The following COG5 variants were observed in gnomAD, a reference collection of about 807,000 sequenced individuals.
The protein encoded by COG5 is conserved oligomeric Golgi complex subunit 5.
In COG5, 86 loss-of-function variants were observed where a neutral mutation model predicts 110.4. That is an observed-to-expected ratio of 0.78 (90% CI 0.65 to 0.93). COG5 has a LOEUF of 0.93. Among genes scored for constraint, COG5 ranks in the 40% least tolerant of loss-of-function variants. The probability of loss-of-function intolerance (pLI) is 0.00; values close to 1 mark genes in which losing one functional copy is unlikely to be tolerated. For synonymous variants in COG5, 360 were observed against 334.6 expected (o/e 1.08, Z -0.83); for missense variants, 1,077 against 987.0 (o/e 1.09, Z -1.22).
intron 10 of COG5, among the ~76,000 whole-genome samples, chr7:107,331,140 G>C (rs746174044): frequency 2.0e-5 from 3 of 152,186 alleles, no homozygotes; most frequent in Non-Finnish European, 4.4e-5. Flanking sequence ...AACCGCTTGA[G>C]AGTTTTAATA....
intron 5 of COG5, among the ~76,000 whole-genome samples, chr7:107,543,008 T>C (rs1802151373): frequency 6.7e-6 from 1 of 149,954 alleles, no homozygotes; most frequent in South Asian, 2.1e-4. Context: ...TATAGATGAA[T>C]TCAAAAAAGG....
At chr7:107,526,829 A>C (rs1800791157) in intron 6 of COG5, among the ~76,000 whole-genome samples, 1 of 152,182 alleles carries the variant, frequency 6.6e-6, no homozygotes, top group Non-Finnish European at 1.5e-5. Context: ...GTCATTCTCA[A>C]AAAGACAAAA....
At chr7:107,229,854 T>G (rs1445290736) in intron 19 of COG5, among the ~76,000 whole-genome samples, 4 of 150,814 alleles carry the variant, frequency 2.7e-5, no homozygotes, top group Non-Finnish European at 4.4e-5. Flanking sequence ...TGTTTTTTTT[T>G]TTTGTTTTTT....
intron 14 of COG5, among the ~76,000 whole-genome samples, chr7:107,273,524 T>C (rs1353268149): frequency 6.6e-6 from 1 of 152,198 alleles, no homozygotes; most frequent in Non-Finnish European, 1.5e-5. Flanking sequence ...TCAACAGATA[T>C]AAAAGCTCTA....
intron 17 of COG5, among the ~76,000 whole-genome samples, chr7:107,243,469 G>A (rs938672817): frequency 1.5e-5 from 2 of 136,238 alleles, no homozygotes; most frequent in Admixed American, 8.3e-5. Context: ...CCGAGATCAC[G>A]CCACTGCACT....
At chr7:107,533,482 T>C (rs937028219) in intron 5 of COG5, among the ~76,000 whole-genome samples, 12 of 151,476 alleles carry the variant, frequency 7.9e-5, no homozygotes, top group South Asian at 2.1e-4. Context: ...AATGACCTGA[T>C]TGAGCTGAAA....
intron 5 of COG5, among the ~76,000 whole-genome samples, chr7:107,538,162 C>T (rs1044353051): frequency 3.3e-5 from 5 of 152,096 alleles, no homozygotes; most frequent in Non-Finnish European, 2.9e-5. Flanking sequence ...TCTTTGTAAC[C>T]ACATGTACAG....
intron 7 of COG5, among the ~76,000 whole-genome samples, chr7:107,373,792 T>TAGTA (rs1214344218): frequency 6.6e-6 from 1 of 152,180 alleles, no homozygotes; most frequent in African/African-American, 2.4e-5. Context: ...TCTCACGCAT[T>TAGTA]AGTAAGTGTC....
intron 21 of COG5, chr7:107,209,303 C>T (rs182873484): frequency 8.6e-6 from 8 of 926,462 alleles, no homozygotes; most frequent in East Asian, 1.2e-4. Flanking sequence ...AAAGGTTTTC[C>T]GGCTTGGCTA....
intron 13 of COG5, among the ~76,000 whole-genome samples, chr7:107,282,005 G>T (rs1344113868): frequency 8.8e-6 from 1 of 113,660 alleles, no homozygotes; most frequent in Non-Finnish European, 2.0e-5. Context: ...TGATCTGACT[G>T]CCAAAAAAAA....
At chr7:107,282,880 T>C (rs904677613) in intron 13 of COG5, among the ~76,000 whole-genome samples, 1 of 152,196 alleles carries the variant, frequency 6.6e-6, no homozygotes, top group Non-Finnish European at 1.5e-5. Context: ...TAAAAGAATT[T>C]AGACCTCAGT....
At chr7:107,503,382 G>A (rs1410076259) in intron 6 of COG5, among the ~76,000 whole-genome samples, 17 of 152,106 alleles carry the variant, frequency 1.1e-4, no homozygotes, top group Admixed American at 1.1e-3. Flanking sequence ...CCAGAACCAT[G>A]CTGTTCTGGT....
chr7:107,508,323 G>A (rs543028444), intron 6 of COG5, among the ~76,000 whole-genome samples: 98 of 152,350 alleles, frequency 6.4e-4, no homozygotes, highest in African/African-American at 2.3e-3. Flanking sequence ...GCAGCAGCAA[G>A]GCTGGGGGAG....
At chr7:107,499,503 T>A (rs1473824199) in intron 6 of COG5, among the ~76,000 whole-genome samples, 1 of 151,938 alleles carries the variant, frequency 6.6e-6, no homozygotes, top group African/African-American at 2.4e-5. Context: ...CCTCCCAGGT[T>A]CAAGCCATTC....
At chr7:107,448,574 G>A (rs1229264346) in intron 6 of COG5, among the ~76,000 whole-genome samples, 1 of 151,916 alleles carries the variant, frequency 6.6e-6, no homozygotes, top group African/African-American at 2.4e-5. Context: ...CCCCCCTTTT[G>A]TGGCAACTCT....
chr7:107,296,581 CTTT>C (rs35340234), intron 12 of COG5, among the ~76,000 whole-genome samples: 4 of 123,478 alleles, frequency 3.2e-5, no homozygotes, highest in South Asian at 2.7e-4. Context: ...CAAAACTACT[CTTT>C]TTTTTTTTTT....
rs566651271 is a variant in COG5, at chr7:107,561,965, G to C, written c.94+1838C>G. Among the ~76,000 whole-genome samples the C allele has an allele frequency of 2.4e-3, 358 of 151,350 alleles. 1 individual carries two copies. Among genetic ancestry groups the C allele is most frequent in the Non-Finnish European group, 3.7e-3 (254 of 67,852 alleles). Reference sequence around the variant, plus strand: ...CACTCCAGCCTGGGCAACAGCGCGAGACTCCGTCTCAAAAAAAAAAAAGAA... The same window carrying C: ...CACTCCAGCCTGGGCAACAGCGCGACACTCCGTCTCAAAAAAAAAAAAGAA... On this transcript the variant is annotated intron_variant, in intron 1 of 21. Transcript: ENST00000297135.
At chr7:107,524,948 T>C (rs1800619594) in intron 6 of COG5, among the ~76,000 whole-genome samples, 1 of 152,118 alleles carries the variant, frequency 6.6e-6, no homozygotes, top group South Asian at 2.1e-4. Flanking sequence ...TTTGTTTGTT[T>C]TGACAGAGTC....
At chr7:107,255,017 G>C (rs1802777754) in intron 16 of COG5, among the ~76,000 whole-genome samples, 1 of 152,124 alleles carries the variant, frequency 6.6e-6, no homozygotes, top group Non-Finnish European at 1.5e-5. Context: ...GTGTATAGAA[G>C]TACACTTTAT....
Sources: allele counts gnomAD v4.1 joint callset (sites outside exome capture counted in the v4.1 genomes callset), GRCh38; gene constraint gnomAD v4.1.1; transcripts MANE v1.5; gene names NCBI Gene and HGNC (gene_info 2026-07-23, HGNC 2026-07-21).